The following GINS1 variants were observed in gnomAD, a reference collection of about 807,000 sequenced individuals.
The protein encoded by GINS1 is DNA replication complex GINS protein PSF1.
In GINS1, 26 loss-of-function variants were observed where a neutral mutation model predicts 34.9. That is an observed-to-expected ratio of 0.74 (90% CI 0.55 to 1.03). The LOEUF is 1.03. Ranked by LOEUF, GINS1 falls within the 50% of genes least tolerant of loss-of-function variation. GINS1 has a pLI of 0.00. For synonymous variants in GINS1, 97 were observed against 84.4 expected, an observed-to-expected ratio of 1.15 and a Z score of -0.82; for missense variants, 235 against 237.9, an observed-to-expected ratio of 0.99 and a Z score of 0.08.
At chr20:25,425,086 G>C in intron 4 of GINS1, 125 bp from the exon 5 acceptor site, 1 of 563,606 alleles carries the variant, frequency 1.8e-6, no homozygotes, top group South Asian at 2.8e-5. Flanking sequence ...TAATATTTTA[G>C]CATTAATGAA....
At chr20:25,420,429 G>A (rs2146199669) in intron 4 of GINS1, among the ~76,000 whole-genome samples, 1 of 152,254 alleles carries the variant, frequency 6.6e-6, no homozygotes, top group Non-Finnish European at 1.5e-5. Context: ...ACAGTGCCTG[G>A]CCTTATATAA....
chr20:25,443,737 C>T (rs1405107254), intron 6 of GINS1, among the ~76,000 whole-genome samples: 1 of 152,014 alleles, frequency 6.6e-6, no homozygotes, highest in Non-Finnish European at 1.5e-5. Flanking sequence ...CCACCTCAGC[C>T]TCCCAAAGTG....
At chr20:25,439,388 A>T (rs548575475) in intron 5 of GINS1, among the ~76,000 whole-genome samples, 4 of 152,350 alleles carry the variant, frequency 2.6e-5, no homozygotes, top group Admixed American at 2.0e-4. Flanking sequence ...GAAAAGTTGT[A>T]CTGACCCTGT....
intron 1 of GINS1, chr20:25,409,070 A>T (rs1048034177): frequency 2.2e-5 from 22 of 980,790 alleles, no homozygotes; most frequent in Middle Eastern, 1.0e-3. Context: ...CTGATCTGAG[A>T]AGGAAGCGAG....
intron 6 of GINS1, among the ~76,000 whole-genome samples, chr20:25,444,107 GT>G (rs2090498316): frequency 6.6e-6 from 1 of 151,880 alleles, no homozygotes; most frequent in African/African-American, 2.4e-5. Flanking sequence ...TGCCTTCTGG[GT>G]TCAAGCAATT....
At chr20:25,411,682 C>G (rs2090285981) in intron 1 of GINS1, among the ~76,000 whole-genome samples, 1 of 151,650 alleles carries the variant, frequency 6.6e-6, no homozygotes, top group Admixed American at 6.6e-5. Context: ...GTGGCTTACA[C>G]CTGTAATCCT....
At chr20:25,430,249 TAG>T (rs1223804797) in intron 5 of GINS1, among the ~76,000 whole-genome samples, 2 of 152,200 alleles carry the variant, frequency 1.3e-5, no homozygotes, top group East Asian at 3.8e-4. Context: ...ATGTTTGCTG[TAG>T]AGTTTCCATA....
intron 5 of GINS1, among the ~76,000 whole-genome samples, chr20:25,441,403 C>T (rs1045775280): frequency 2.0e-5 from 3 of 152,124 alleles, no homozygotes; most frequent in African/African-American, 7.2e-5. Flanking sequence ...ATAGATATTT[C>T]ACCTGCTTAA....
At position 25,407,676 on chromosome 20, in the gene GINS1, C is replaced by G. The variant is rs2090253680; in HGVS notation, c.-145C>G. 7 of 680,168 alleles carry G rather than the reference C, an allele frequency of 1.0e-5. No homozygotes were observed. In the African/African-American group the frequency reaches 1.1e-4, roughly 11 times the overall value. The allele number at this position is 680,168 out of a possible 1,614,324, so 42.1% of individuals were successfully genotyped here. On this transcript the variant is annotated 5_prime_UTR_variant, in exon 1 of 7. Transcript: ENST00000262460. ...CGCGTTCCTATTGGCTAGCTTTGTT[C>G]GGCGCCAAAGCGCGGAGCGGAGGCC... is the stretch of plus-strand genomic sequence containing the variant.
rs77222409 is a variant in GINS1 at position 25,437,230 on chromosome 20, C to A, written c.448-4472C>A. The stretch of plus-strand genomic sequence containing the variant: ...CCCTGGAATTCACTTCAGTGGAATG[C>A]GGGAGGGGCTTGCAGCCTTTGAGAA... On this transcript the variant is annotated intron_variant, in intron 5 of 6. Transcript: ENST00000262460. 7.2e-3 allele frequency among the ~76,000 whole-genome samples: 1,096 copies of A among 152,292 alleles called. 7 individuals carry two copies. The highest frequency in any genetic ancestry group is 0.02 in the Middle Eastern group (6 of 294).
At chr20:25,433,312 T>C (rs542345970) in intron 5 of GINS1, among the ~76,000 whole-genome samples, 34 of 152,280 alleles carry the variant, frequency 2.2e-4, no homozygotes, top group African/African-American at 7.9e-4. Flanking sequence ...CAGTATTTAG[T>C]TGATTTTTTG....
intron 1 of GINS1, among the ~76,000 whole-genome samples, chr20:25,411,806 G>C (rs990235268): frequency 6.6e-6 from 1 of 152,084 alleles, no homozygotes; most frequent in Non-Finnish European, 1.5e-5. Context: ...AGCTGGACGT[G>C]ATGGGCACCT....
chr20:25,444,939 A>G (rs1285519373), intron 6 of GINS1, among the ~76,000 whole-genome samples: 1 of 152,218 alleles, frequency 6.6e-6, no homozygotes. Context: ...CTGAAATCCA[A>G]GAACAGGTTT....
intron 5 of GINS1, among the ~76,000 whole-genome samples, chr20:25,432,307 CCTTT>C (rs979359169): frequency 3.3e-5 from 5 of 151,620 alleles, no homozygotes; most frequent in South Asian, 2.1e-4. Flanking sequence ...TTCAAAATTT[CCTTT>C]CTTTCTTTTT....
intron 4 of GINS1, among the ~76,000 whole-genome samples, chr20:25,419,976 C>A (rs992055589): frequency 1.3e-5 from 2 of 151,170 alleles, no homozygotes; most frequent in African/African-American, 2.4e-5. Flanking sequence ...ATGTTTCTTA[C>A]AATTTAGTAA....
At chr20:25,421,953 T>C (rs974221621) in intron 4 of GINS1, among the ~76,000 whole-genome samples, 2 of 151,546 alleles carry the variant, frequency 1.3e-5, no homozygotes, top group African/African-American at 4.8e-5. Flanking sequence ...TTCATACTTA[T>C]CAATACAAAA....
At chr20:25,421,126 T>A (rs56251619) in intron 4 of GINS1, 16,545 of 172,536 alleles carry the variant, frequency 0.096, 857 homozygotes, top group Non-Finnish European at 0.11. Flanking sequence ...CCCTGCCTTG[T>A]TAACTCTGAG....
In GINS1 at chr20:25,417,103, G is replaced by A. The variant is rs754750027; in HGVS notation, c.141-1G>A. ...TTTTTCTTTTTAAATGCTCCTATCA[G>A]GAATGAAGCAAAGTCAGGTGGACGA... On this transcript the variant is annotated splice_acceptor_variant, in intron 2 of 6. Coordinates refer to ENST00000262460, the MANE Select transcript of GINS1 (RefSeq NM_021067.5). LOFTEE classifies it high-confidence loss of function. 1.4e-6 allele frequency: 2 copies of A among 1,458,658 alleles called. No homozygotes were observed. The highest frequency in any genetic ancestry group is 2.3e-5 in the South Asian group (2 of 85,698). The allele number at this position is 1,458,658 out of a possible 1,614,324, so 90.4% of individuals were successfully genotyped here.
intron 1 of GINS1, among the ~76,000 whole-genome samples, chr20:25,412,283 G>T (rs973026773): frequency 6.6e-6 from 1 of 152,060 alleles, no homozygotes; most frequent in African/African-American, 2.4e-5. Context: ...GCTGGGCCCA[G>T]TGGCTCATCC....
Sources: allele counts gnomAD v4.1 joint callset (sites outside exome capture counted in the v4.1 genomes callset), GRCh38; gene constraint gnomAD v4.1.1; transcripts MANE v1.5; gene names NCBI Gene and HGNC (gene_info 2026-07-23, HGNC 2026-07-21).